Variants in ITGA4 observed in about 807,000 individuals in gnomAD.
ITGA4 encodes the protein integrin alpha-4.
ITGA4 carries 63 observed loss-of-function variants against 133.6 expected under a neutral mutation model. That is an observed-to-expected ratio of 0.47 (90% CI 0.38 to 0.58). The LOEUF (loss-of-function observed/expected upper bound fraction) is 0.58. Ranked by LOEUF, ITGA4 falls within the 20% of genes least tolerant of loss-of-function variation. The pLI, the probability that ITGA4 is intolerant of heterozygous loss-of-function variation, is 0.00. For synonymous variants in ITGA4, 483 were observed against 438.0 expected (o/e 1.10, Z -1.28); for missense variants, 1,076 against 1,252.7 (o/e 0.86, Z 2.13).
chr2:181,464,156 C>A (rs370370051), intron 2 of ITGA4, among the ~76,000 whole-genome samples: 26 of 151,970 alleles, frequency 1.7e-4, no homozygotes, highest in East Asian at 5.8e-4. Flanking sequence ...CTGACATTAA[C>A]CTGATTAAAG....
At chr2:181,489,151 G>A (rs763526665) in intron 10 of ITGA4, among the ~76,000 whole-genome samples, 1 of 152,166 alleles carries the variant, frequency 6.6e-6, no homozygotes, top group Admixed American at 6.5e-5. Context: ...TATGAAGAAA[G>A]AGACTCCAAC....
At chr2:181,476,691 G>A (rs1685684403) in intron 4 of ITGA4, among the ~76,000 whole-genome samples, 1 of 152,060 alleles carries the variant, frequency 6.6e-6, no homozygotes, top group Non-Finnish European at 1.5e-5. Flanking sequence ...AATGGTGTTA[G>A]CAATAGCAAA....
intron 17 of ITGA4, among the ~76,000 whole-genome samples, chr2:181,512,662 A>C (rs1450184181): frequency 6.6e-6 from 1 of 152,058 alleles, no homozygotes; most frequent in East Asian, 1.9e-4. Context: ...TAATATTGTA[A>C]AATTTATAAA....
intron 10 of ITGA4, among the ~76,000 whole-genome samples, chr2:181,489,382 C>A (rs1350314263): frequency 9.1e-5 from 1 of 10,932 alleles, no homozygotes; most frequent in African/African-American, 2.7e-4. Flanking sequence ...TAAAACTCAT[C>A]AAAAGCATGA....
chr2:181,529,763 T>C, intron 23 of ITGA4, 115 bp downstream of exon 23: 1 of 608,998 alleles, frequency 1.6e-6, no homozygotes, highest in Non-Finnish European at 2.9e-6. Flanking sequence ...TTAACTTACT[T>C]CAGTCACACT....
Position 181,523,465 on chromosome 2 carries a change from C to T in ITGA4, c.2102C>T (p.Thr701Ile). Residue 701 changes from threonine (T) to isoleucine (I), a missense_variant, in exon 19 of 28, where the codon ACA (threonine) becomes ATA (isoleucine). Physicochemically the swap from Thr to Ile is moderately conservative, Grantham distance 89. This residue lies in a region of ITGA4 where 365 missense variants were observed against 421.4 expected (regional missense o/e 0.87). Coordinates refer to ENST00000397033, the MANE Select transcript of ITGA4 (RefSeq NM_000885.6). The surrounding 1 kb of genome is among the most constrained non-coding windows in gnomAD (Gnocchi z 4.2). Reference sequence around the variant, plus strand: ...GAGAAGCAAATAAACTGTGAAGTCACAGATAACTCTGGCGTGGTACAACTT... The same window carrying T: ...GAGAAGCAAATAAACTGTGAAGTCATAGATAACTCTGGCGTGGTACAACTT... ...LEEKQINCEV[T>I]DNSGVVQLDC... 2 of 1,609,000 alleles carry T rather than the reference C, an allele frequency of 1.2e-6. No homozygotes were observed. Among genetic ancestry groups the T allele is most frequent in the Non-Finnish European group, 1.7e-6 (2 of 1,175,606 alleles).
chr2:181,536,863 ATTTTGAACATCT>A lies in ITGA4; in HGVS notation c.*1337_*1348del. 1 of 432,928 alleles carries A rather than the reference ATTTTGAACATCT, an allele frequency of 2.3e-6. No homozygotes were observed. The highest frequency in any genetic ancestry group is 4.6e-6 in the Non-Finnish European group (1 of 216,972). 26.8% of individuals were successfully genotyped at this position (432,928 alleles called of 1,614,324 possible). A position where few individuals can be genotyped will look rare whatever the true frequency, so the allele number is the denominator to read the frequency against. On this transcript the variant is annotated 3_prime_UTR_variant, in exon 28 of 28. Transcript: ENST00000397033. ...GCCTTCATAAGAGAGCTGTGGCCGAATTTTGAACATCTGTTATAGGGAGTGATCAAATTAGAA... is the reference window on the plus strand; with the variant it reads ...GCCTTCATAAGAGAGCTGTGGCCGAAGTTATAGGGAGTGATCAAATTAGAA...
At chr2:181,510,743 G>A (rs1435639290) in intron 16 of ITGA4, among the ~76,000 whole-genome samples, 1 of 151,968 alleles carries the variant, frequency 6.6e-6, no homozygotes, top group Non-Finnish European at 1.5e-5. Context: ...GAAGTCAGGG[G>A]TTGTTTTTAC....
chr2:181,509,751 C>G lies in ITGA4; in HGVS notation c.1789C>G (p.Pro597Ala). ...VISKRSTEEF[P>A]PLQPILQQKK... is the part of the protein sequence containing the mutation. ...CAGTAAACGAAGTACAGAGGAATTC[C>G]CACCACTTCAGCCAATTCTTCAGCA... is the stretch of plus-strand genomic sequence containing the variant. Residue 597 changes from proline (P) to alanine (A), a missense_variant, in exon 16 of 28, where the codon CCA becomes GCA. Pro to Ala is a conservative substitution (Grantham distance 27). This residue lies in a region of ITGA4 where 365 missense variants were observed against 421.4 expected (regional missense o/e 0.87). Coordinates refer to ENST00000397033, the MANE Select transcript of ITGA4 (RefSeq NM_000885.6). The G allele has an allele frequency of 6.2e-7, 1 of 1,611,074 alleles. No individual in the cohort carries two copies. The highest frequency in any genetic ancestry group is 1.1e-5 in the South Asian group (1 of 90,766).
In ITGA4 at chr2:181,536,726, T is replaced by TTTTAAATGACTTTCTGGATTTTAAA. The variant is rs1199492942; in HGVS notation, c.*1200_*1224dup. 1 of 247,738 alleles carries TTTTAAATGACTTTCTGGATTTTAAA rather than the reference T, an allele frequency of 4.0e-6. No individual in the cohort carries two copies. The highest frequency in any genetic ancestry group is 2.3e-5 in the African/African-American group (1 of 43,542). 15.3% of individuals were successfully genotyped at this position (247,738 alleles called of 1,614,324 possible). ...TTTGTTCATACTATATGAGGTTCTA[T>TTTTAAATGACTTTCTGGATTTTAAA]TTTAAATGACTTTCTGGATTTTAAA... On this transcript the variant is annotated 3_prime_UTR_variant, in exon 28 of 28. Transcript: ENST00000397033.
Position 181,538,174 on chromosome 2 carries a change from C to T in ITGA4, c.*2647C>T. ...CTAGTTTGTACATTTCTTTTAGAAA[C>T]AATTACATGTTACTTTGGAATCATT... On this transcript the variant is annotated 3_prime_UTR_variant, in exon 28 of 28. Coordinates refer to ENST00000397033, the MANE Select transcript of ITGA4 (RefSeq NM_000885.6). 6.5e-7 allele frequency: 1 copy of T among 1,535,748 alleles called. No homozygotes were observed. The highest frequency in any genetic ancestry group is 9.0e-7 in the Non-Finnish European group (1 of 1,110,570).
chr2:181,492,171 A>AGTT (rs1186264069), intron 10 of ITGA4, among the ~76,000 whole-genome samples: 7 of 152,248 alleles, frequency 4.6e-5, no homozygotes, highest in African/African-American at 1.7e-4. Flanking sequence ...TGTCCGATGA[A>AGTT]TGAATAAATG....
At chr2:181,490,686 C>A (rs1179815194) in intron 10 of ITGA4, among the ~76,000 whole-genome samples, 1 of 152,050 alleles carries the variant, frequency 6.6e-6, no homozygotes, top group Non-Finnish European at 1.5e-5. Context: ...TCCACAACAT[C>A]CTGGCTCTGT....
chr2:181,472,327 G>C (rs1475839747), intron 2 of ITGA4, among the ~76,000 whole-genome samples: 1 of 152,056 alleles, frequency 6.6e-6, no homozygotes, highest in Admixed American at 6.5e-5. Flanking sequence ...GTACATTGTG[G>C]TTCTAAACTA....
chr2:181,498,508 A>C, intron 14 of ITGA4, 115 bp from the exon 15 acceptor site: 1 of 521,256 alleles, frequency 1.9e-6, no homozygotes, highest in Non-Finnish European at 3.2e-6. Flanking sequence ...TTTAATAAAG[A>C]GAATTCCAGA....
At chr2:181,481,772 T>C in intron 7 of ITGA4, 89 bp downstream of exon 7, 1 of 499,000 alleles carries the variant, frequency 2.0e-6, no homozygotes. Context: ...GTGAATGTTG[T>C]AAGGAAAGAA....
intron 2 of ITGA4, among the ~76,000 whole-genome samples, chr2:181,468,509 G>C (rs1397462612): frequency 6.6e-6 from 1 of 152,134 alleles, no homozygotes; most frequent in Non-Finnish European, 1.5e-5. Context: ...GTCAACAAAA[G>C]TCAATCTGCC....
At chr2:181,534,086 A>G (rs1687001425) in intron 25 of ITGA4, among the ~76,000 whole-genome samples, 186 bp from the exon 26 acceptor site, 4 of 152,206 alleles carry the variant, frequency 2.6e-5, no homozygotes, top group Admixed American at 2.6e-4. Context: ...CAATAAAATG[A>G]TACTATATAA....
chr2:181,457,441 CG>C lies in ITGA4; in HGVS notation c.-211del, dbSNP rs562224793. 1,692 of 525,764 alleles carry C rather than the reference CG, an allele frequency of 3.2e-3. 29 individuals are homozygous for C. The highest frequency in any genetic ancestry group is 0.032 in the African/African-American group (1,564 of 49,166). 32.6% of individuals were successfully genotyped at this position (525,764 alleles called of 1,614,324 possible). A position where few individuals can be genotyped will look rare whatever the true frequency, so the allele number is the denominator to read the frequency against. On this transcript the variant is annotated 5_prime_UTR_variant, in exon 1 of 28. Coordinates refer to ENST00000397033, the MANE Select transcript of ITGA4 (RefSeq NM_000885.6). ...TGGCGGCAGAAACCGGGAGTGGGGC[CG>C]GGCGAGTGCGCGGCATCCCAGGCCG...
Sources: gnomAD v4.1 joint callset for allele counts (sites outside exome capture counted in the v4.1 genomes callset) on GRCh38, gnomAD v4.1.1 for gene constraint, gnomAD v4.1.1 regional missense constraint, Gnocchi (gnomAD v3.1) non-coding constraint, MANE v1.5 for transcripts, NCBI Gene and HGNC (gene_info 2026-07-23, HGNC 2026-07-21) for gene names.